The following DPF3 variants were observed in gnomAD, a reference collection of about 807,000 sequenced individuals.
The protein encoded by DPF3 is double PHD fingers 3.
In DPF3, 18 loss-of-function variants were observed where a neutral mutation model predicts 56.8. That is an observed-to-expected ratio of 0.32 (90% CI 0.22 to 0.47). The LOEUF (loss-of-function observed/expected upper bound fraction) is 0.47, where lower values mean the gene tolerates loss of function less well. DPF3 is among the 20% of genes least tolerant of loss of function. The pLI is 1.00. For synonymous variants in DPF3, 188 were observed against 180.2 expected (o/e 1.04, Z -0.35); for missense variants, 403 against 488.8 (o/e 0.82, Z 1.65).
intron 6 of DPF3, among the ~76,000 whole-genome samples, chr14:72,713,562 C>T (rs1419801679): frequency 2.6e-5 from 4 of 152,194 alleles, no homozygotes; most frequent in African/African-American, 9.7e-5. Flanking sequence ...CCTCCTATGG[C>T]GAAGCTCTGC....
At chr14:72,845,065 ACTGCACTCCAG>A in intron 1 of DPF3, among the ~76,000 whole-genome samples, 1 of 152,300 alleles carries the variant, frequency 6.6e-6, no homozygotes, top group African/African-American at 2.4e-5. Flanking sequence ...TAATCGTGCC[ACTGCACTCCAG>A]CCTGGGTGAC....
chr14:72,800,070 A>G (rs1892808703), intron 1 of DPF3, among the ~76,000 whole-genome samples: 1 of 152,170 alleles, frequency 6.6e-6, no homozygotes. Context: ...CCTGATGCAC[A>G]TCCCACCATT....
intron 2 of DPF3, among the ~76,000 whole-genome samples, chr14:72,761,782 T>A (rs1045936065): frequency 1.3e-5 from 2 of 151,834 alleles, no homozygotes; most frequent in Admixed American, 6.6e-5. Flanking sequence ...AGCTATTTAT[T>A]TGAAAAGATC....
At chr14:72,738,439 G>A (rs1175589635) in intron 3 of DPF3, among the ~76,000 whole-genome samples, 2 of 152,040 alleles carry the variant, frequency 1.3e-5, no homozygotes, top group Non-Finnish European at 2.9e-5. Context: ...ACGCCAGGAT[G>A]GGTTACGGCA....
At chr14:72,892,458 AC>A (rs1170126698) in intron 1 of DPF3, 10 of 1,431,024 alleles carry the variant, frequency 7.0e-6, no homozygotes, top group Non-Finnish European at 8.2e-6. Flanking sequence ...CGTCCTCTTA[AC>A]GGCAGCTTTC....
At chr14:72,867,805 C>G (rs1885736832) in intron 1 of DPF3, among the ~76,000 whole-genome samples, 1 of 152,184 alleles carries the variant, frequency 6.6e-6, no homozygotes, top group South Asian at 2.1e-4. Flanking sequence ...GTGGCACAAT[C>G]TCGGCTCACT....
intron 2 of DPF3, among the ~76,000 whole-genome samples, chr14:72,758,046 C>A (rs539733064): frequency 6.6e-6 from 1 of 151,466 alleles, no homozygotes; most frequent in East Asian, 1.9e-4. Context: ...ATTGCCTATA[C>A]GAAAAAGAAA....
At chr14:72,860,452 T>C (rs1394920460) in intron 1 of DPF3, among the ~76,000 whole-genome samples, 1 of 152,238 alleles carries the variant, frequency 6.6e-6, no homozygotes, top group African/African-American at 2.4e-5. Context: ...CCCAAAGTGC[T>C]GGGATTATAG....
chr14:72,846,032 C>T (rs1436524241), intron 1 of DPF3, among the ~76,000 whole-genome samples: 1 of 151,960 alleles, frequency 6.6e-6, no homozygotes, highest in Admixed American at 6.6e-5. Context: ...GGTCTCACTG[C>T]CCACCACCCC....
chr14:72,808,838 T>G (rs1296543493), intron 1 of DPF3, among the ~76,000 whole-genome samples: 1 of 152,206 alleles, frequency 6.6e-6, no homozygotes. Flanking sequence ...GGTTTGGATT[T>G]TGGCATTCTT....
At chr14:72,674,956 A>T (rs530423356) in intron 7 of DPF3, among the ~76,000 whole-genome samples, 57 of 152,344 alleles carry the variant, frequency 3.7e-4, no homozygotes, top group African/African-American at 1.3e-3. Flanking sequence ...GGGGAGTCTC[A>T]TCTCCCTGAA....
At chr14:72,881,940 G>GT (rs1261925274) in intron 1 of DPF3, among the ~76,000 whole-genome samples, 9 of 150,128 alleles carry the variant, frequency 6.0e-5, no homozygotes, top group Non-Finnish European at 1.0e-4. Context: ...GATGAGCTGG[G>GT]TAAGTGAAGG....
At chr14:72,833,695 TCA>T (rs1163711821) in intron 1 of DPF3, among the ~76,000 whole-genome samples, 1 of 152,152 alleles carries the variant, frequency 6.6e-6, no homozygotes, top group African/African-American at 2.4e-5. Context: ...CACAGGCTGG[TCA>T]CACCATGCTG....
At chr14:72,812,751 G>T (rs900906125) in intron 1 of DPF3, among the ~76,000 whole-genome samples, 2 of 152,182 alleles carry the variant, frequency 1.3e-5, no homozygotes, top group African/African-American at 4.8e-5. Context: ...TGTGCAATGC[G>T]TCCGGGAGGC....
chr14:72,893,657 C>T (rs927552208), intron 1 of DPF3, among the ~76,000 whole-genome samples: 1 of 151,862 alleles, frequency 6.6e-6, no homozygotes, highest in Admixed American at 6.6e-5. Flanking sequence ...GGCCACTGCC[C>T]GACGCTCGCC....
Position 72,611,688 on chromosome 14 carries a change from C to G in DPF3, c.*7609G>C, listed in dbSNP as rs1883736657. The stretch of plus-strand genomic sequence containing the variant: ...CACACTCCAGGCCAGGTGACTTCAT[C>G]AGTTCACCAGTTTTAATGCTGAGGA... On this transcript the variant is annotated 3_prime_UTR_variant, in exon 11 of 11. Coordinates refer to ENST00000556509, the MANE Select transcript of DPF3 (RefSeq NM_001280542.3). 6.6e-6 allele frequency among the ~76,000 whole-genome samples: 1 copy of G among 152,194 alleles called. No individual in the cohort carries two copies. Among genetic ancestry groups the G allele is most frequent in the African/African-American group, 2.4e-5 (1 of 41,432 alleles).
At chr14:72,650,945 C>T (rs1388608669) in intron 8 of DPF3, among the ~76,000 whole-genome samples, 1 of 152,224 alleles carries the variant, frequency 6.6e-6, no homozygotes, top group African/African-American at 2.4e-5. Flanking sequence ...AGTTAAAATG[C>T]AAACAACTTT....
At chr14:72,788,108 G>A (rs1892283418) in intron 1 of DPF3, among the ~76,000 whole-genome samples, 1 of 152,196 alleles carries the variant, frequency 6.6e-6, no homozygotes, top group African/African-American at 2.4e-5. Flanking sequence ...CCTTCACAGT[G>A]CCTGACCCTG....
chr14:72,731,174 A>G (rs930032914), intron 4 of DPF3, among the ~76,000 whole-genome samples: 4 of 150,978 alleles, frequency 2.6e-5, no homozygotes, highest in Non-Finnish European at 4.4e-5. Flanking sequence ...TCTGTCTCAA[A>G]AAAAGAAAAA....
Sources: gnomAD v4.1 joint callset for allele counts (sites outside exome capture counted in the v4.1 genomes callset) on GRCh38, gnomAD v4.1.1 for gene constraint, MANE v1.5 for transcripts, NCBI Gene and HGNC (gene_info 2026-07-23, HGNC 2026-07-21) for gene names.